CEP57L1: variants seen among roughly 807,000 people sequenced by gnomAD.
The protein encoded by CEP57L1 is centrosomal protein CEP57L1.
A neutral mutation model predicts 61.0 loss-of-function variants in CEP57L1; 37 were observed. The ratio of observed to expected loss-of-function variants is 0.61; its 90% CI spans 0.47 to 0.80. CEP57L1 has a LOEUF of 0.80. Among genes scored for constraint, CEP57L1 ranks in the 30% least tolerant of loss-of-function variants. The pLI, the probability that CEP57L1 is intolerant of heterozygous loss-of-function variation, is 0.00. For missense variants in CEP57L1, 422 were observed against 524.7 expected, an observed-to-expected ratio of 0.80 and a Z score of 1.91; for synonymous variants, 137 against 162.3, an observed-to-expected ratio of 0.84 and a Z score of 1.19.
At position 109,112,374 on chromosome 6, in the gene CEP57L1, T is replaced by G. The variant is rs140010979; in HGVS notation, c.-4+16799T>G. Among the ~76,000 whole-genome samples the G allele has an allele frequency of 8.3e-3, 1,259 of 152,218 alleles. 24 individuals carry two copies. The highest frequency in any genetic ancestry group is 0.029 in the African/African-American group (1,208 of 41,552). ...TCTGTGGGATTGGTGGTGATATCCCTTTTATCATTTTTTATTGCGTCTATT... is the reference window on the plus strand; with the variant it reads ...TCTGTGGGATTGGTGGTGATATCCCGTTTATCATTTTTTATTGCGTCTATT... On this transcript the variant is annotated intron_variant, in intron 1 of 10. Transcript: ENST00000517392.
At chr6:109,159,484 T>C in intron 9 of CEP57L1, 22 bp downstream of exon 9, 1 of 1,600,814 alleles carries the variant, frequency 6.2e-7, no homozygotes, top group African/African-American at 1.4e-5. Flanking sequence ...TATTCTTTTT[T>C]TTTTTCAAGA....
chr6:109,155,216 T>C lies in CEP57L1; in HGVS notation c.580-14T>C. The C allele has an allele frequency of 6.7e-7, 1 of 1,499,050 alleles. No homozygotes were observed. Among genetic ancestry groups the C allele is most frequent in the South Asian group, 1.2e-5 (1 of 81,480 alleles). 92.9% of individuals were successfully genotyped at this position (1,499,050 alleles called of 1,614,324 possible). On this transcript the variant is annotated splice_polypyrimidine_tract_variant and intron_variant, in intron 5 of 10. Transcript: ENST00000517392. Reference sequence around the variant, plus strand: ...AGTTTTTATGTAACAATCTTAGTTTTTACTCTTTTGCAGGACAAGATTAAA... The same window carrying C: ...AGTTTTTATGTAACAATCTTAGTTTCTACTCTTTTGCAGGACAAGATTAAA...
rs996715069 is a variant in CEP57L1, at chr6:109,172,468, A to G, written c.*9498A>G. Among the ~76,000 whole-genome samples the G allele has an allele frequency of 6.6e-6, 1 of 152,232 alleles. No homozygotes were observed. Among genetic ancestry groups the G allele is most frequent in the Admixed American group, 6.5e-5 (1 of 15,280 alleles). On this transcript the variant is annotated 3_prime_UTR_variant, in exon 11 of 11. Transcript: ENST00000517392. ...CCAAGTAAATTAAAACATTCATATC[A>G]GGCAGGATAGTCCAAGGACTTAGAG...
At chr6:109,110,364 C>T (rs949271439) in intron 1 of CEP57L1, among the ~76,000 whole-genome samples, 1 of 151,966 alleles carries the variant, frequency 6.6e-6, no homozygotes, top group African/African-American at 2.4e-5. Flanking sequence ...TGTTCATATC[C>T]TTCACCCACT....
At chr6:109,147,256 AT>A (rs1046000260) in intron 3 of CEP57L1, among the ~76,000 whole-genome samples, 4 of 152,088 alleles carry the variant, frequency 2.6e-5, no homozygotes, top group African/African-American at 9.6e-5. Flanking sequence ...TTGAATATTT[AT>A]TTTTTATTTT....
chr6:109,136,720 A>T (rs1770758218), intron 1 of CEP57L1, among the ~76,000 whole-genome samples: 1 of 139,744 alleles, frequency 7.2e-6, no homozygotes, highest in East Asian at 2.0e-4. Context: ...ATTTTATTTT[A>T]TTTTATTTTA....
In CEP57L1 at chr6:109,158,703, T is replaced by G. The variant is rs1300083847; in HGVS notation, c.745-322T>G. 4 of 487,220 alleles carry G rather than the reference T, an allele frequency of 8.2e-6. No homozygotes were observed. In the Admixed American group the frequency reaches 9.6e-5, roughly 12 times the overall value. The allele number at this position is 487,220 out of a possible 1,614,324, so 30.2% of individuals were successfully genotyped here. ...TCCAAAATGGCTGTACCATTTTGTATTCCCACCAACAATATGTGAGTGATT... is the reference window on the plus strand; with the variant it reads ...TCCAAAATGGCTGTACCATTTTGTAGTCCCACCAACAATATGTGAGTGATT... On this transcript the variant is annotated intron_variant, in intron 7 of 10. Transcript: ENST00000517392.
chr6:109,129,471 A>G (rs1348631492), intron 1 of CEP57L1: 1 of 502,872 alleles, frequency 2.0e-6, no homozygotes, highest in African/African-American at 2.0e-5. Flanking sequence ...ACAAAACAAA[A>G]TTCTGATCTT....
intron 10 of CEP57L1, among the ~76,000 whole-genome samples, chr6:109,162,442 C>T (rs1193346016): frequency 6.6e-6 from 1 of 152,026 alleles, no homozygotes; most frequent in African/African-American, 2.4e-5. Flanking sequence ...CTTACATATA[C>T]ACTTTTTGTC....
At position 109,173,424 on chromosome 6, in the gene CEP57L1, CT is replaced by C. The variant is rs113248477; in HGVS notation, c.*10470del. Among the ~76,000 whole-genome samples, 11,452 of 133,548 alleles carry C rather than the reference CT, an allele frequency of 0.086. 358 individuals carry two copies. Among genetic ancestry groups the C allele is most frequent in the Middle Eastern group, 0.19 (47 of 254 alleles). 87.6% of individuals were successfully genotyped at this position (133,548 alleles called of 152,430 possible). Reference sequence around the variant, plus strand: ...CCCCCTCAGCCCGCCCCCTACCTTTCTTTTTTTTTTTTTTTTCTTTTCAGGG... The same window carrying C: ...CCCCCTCAGCCCGCCCCCTACCTTTCTTTTTTTTTTTTTTTCTTTTCAGGG... On this transcript the variant is annotated 3_prime_UTR_variant, in exon 11 of 11. Coordinates refer to ENST00000517392, the MANE Select transcript of CEP57L1 (RefSeq NM_001271852.3).
intron 3 of CEP57L1, 55 bp from the exon 4 acceptor site, chr6:109,150,063 A>T (rs1409233287): frequency 9.0e-6 from 10 of 1,113,532 alleles, no homozygotes; most frequent in South Asian, 7.7e-5. Flanking sequence ...TGTCATCTGC[A>T]AACAGGGACA....
intron 9 of CEP57L1, 32 bp downstream of exon 9, chr6:109,159,494 A>G (rs1157705182): frequency 6.3e-7 from 1 of 1,589,030 alleles, no homozygotes; most frequent in East Asian, 2.2e-5. Context: ...TTTTTTCAAG[A>G]GACAGTGTCT....
At position 109,155,964 on chromosome 6, in the gene CEP57L1, A is replaced by G. The variant is rs967514501; in HGVS notation, c.744+87A>G. Reference sequence around the variant, plus strand: ...TAATCCTTATACCTACCCCTTTCCAAAAAGGATTTGAAGATATAAAATAAA... The same window carrying G: ...TAATCCTTATACCTACCCCTTTCCAGAAAGGATTTGAAGATATAAAATAAA... On this transcript the variant is annotated intron_variant, in intron 7 of 10. Coordinates refer to ENST00000517392, the MANE Select transcript of CEP57L1 (RefSeq NM_001271852.3). 5.0e-6 allele frequency: 3 copies of G among 599,022 alleles called. No homozygotes were observed. In the African/African-American group the frequency reaches 5.9e-5, roughly 12 times the overall value. The allele number at this position is 599,022 out of a possible 1,614,324, so 37.1% of individuals were successfully genotyped here.
In CEP57L1 at chr6:109,167,688, A is replaced by G. The variant is rs966825512; in HGVS notation, c.*4718A>G. Reference sequence around the variant, plus strand: ...CAAGACTCTGCCTCAAAGCAAAAAAAAAAAGAAAAGAAAAGAAAAAAGGAA... The same window carrying G: ...CAAGACTCTGCCTCAAAGCAAAAAAGAAAAGAAAAGAAAAGAAAAAAGGAA... On this transcript the variant is annotated 3_prime_UTR_variant, in exon 11 of 11. Coordinates refer to ENST00000517392, the MANE Select transcript of CEP57L1 (RefSeq NM_001271852.3). 1.3e-4 allele frequency among the ~76,000 whole-genome samples: 20 copies of G among 152,214 alleles called. No individual in the cohort carries two copies. Among genetic ancestry groups the G allele is most frequent in the Admixed American group, 3.9e-4 (6 of 15,288 alleles).
At chr6:109,145,483 ACTC>A in intron 2 of CEP57L1, 102 bp downstream of exon 2, 1 of 770,228 alleles carries the variant, frequency 1.3e-6, no homozygotes, top group Non-Finnish European at 2.0e-6. Context: ...TCTTAACAAA[ACTC>A]CTAACTTTGA....
chr6:109,107,079 A>T (rs1771027253), intron 1 of CEP57L1, among the ~76,000 whole-genome samples: 1 of 152,254 alleles, frequency 6.6e-6, no homozygotes, highest in Non-Finnish European at 1.5e-5. Flanking sequence ...CTATCATTTT[A>T]TCAGATACTT....
At position 109,169,245 on chromosome 6, in the gene CEP57L1, AAAG is replaced by A; in HGVS notation, c.*6277_*6279del. Among the ~76,000 whole-genome samples, 1 of 151,632 alleles carries A rather than the reference AAAG, an allele frequency of 6.6e-6. No individual in the cohort carries two copies. The highest frequency in any genetic ancestry group is 6.6e-5 in the Admixed American group (1 of 15,266). ...CATCAGCAAAAAAAAAAAAAAAAAA[AAAG>A]ATCAGAGTGCATCACACATAATTAA... On this transcript the variant is annotated 3_prime_UTR_variant, in exon 11 of 11. Transcript: ENST00000517392.
At chr6:109,160,382 T>C (rs1333634604) in intron 9 of CEP57L1, among the ~76,000 whole-genome samples, 190 bp from the exon 10 acceptor site, 2 of 152,204 alleles carry the variant, frequency 1.3e-5, no homozygotes, top group Non-Finnish European at 2.9e-5. Context: ...TAAAGGTATT[T>C]AATTTCAAAT....
Position 109,168,566 on chromosome 6 carries a change from T to A in CEP57L1, c.*5596T>A, listed in dbSNP as rs1218599699. On this transcript the variant is annotated 3_prime_UTR_variant, in exon 11 of 11. Transcript: ENST00000517392. ...ACAGTCATACCGGTGGATTGTCAAA[T>A]CAATTTAGCGGGTCACTACCAGCAT... 2.7e-5 allele frequency among the ~76,000 whole-genome samples: 4 copies of A among 150,718 alleles called. No homozygotes were observed. Among genetic ancestry groups the A allele is most frequent in the African/African-American group, 9.7e-5 (4 of 41,038 alleles).
Sources: gnomAD v4.1 joint callset for allele counts (sites outside exome capture counted in the v4.1 genomes callset) on GRCh38, gnomAD v4.1.1 for gene constraint, MANE v1.5 for transcripts, NCBI Gene and HGNC (gene_info 2026-07-23, HGNC 2026-07-21) for gene names.